The following PABIR3 variants were observed in gnomAD, a reference collection of about 807,000 sequenced individuals.
PABIR3 encodes PABIR family member 3.
Under a neutral mutation model 23.1 loss-of-function variants are expected in PABIR3, and 20 were observed. The observed-to-expected ratio is 0.86, with a 90% CI of 0.61 to 1.26. The LOEUF (loss-of-function observed/expected upper bound fraction) is 1.26, where lower values mean the gene tolerates loss of function less well. PABIR3 is among the 50% of genes most tolerant of loss of function. The pLI is 0.00. For synonymous variants in PABIR3, 69 were observed against 68.5 expected (o/e 1.01, Z -0.04); for missense variants, 189 against 195.4 (o/e 0.97, Z 0.20).
chrX:134,801,560 A>C (rs1010473266), intron 1 of PABIR3, among the ~76,000 whole-genome samples: 1 of 112,357 alleles, frequency 8.9e-6, no homozygotes, highest in Non-Finnish European at 1.9e-5. Flanking sequence ...CTTGTGGCAG[A>C]GGGGGCAAGC....
chrX:134,848,227 C>T (rs1325345826), intron 8 of PABIR3, among the ~76,000 whole-genome samples: 2 of 110,077 alleles, frequency 1.8e-5, no homozygotes, highest in Non-Finnish European at 3.8e-5. Flanking sequence ...CCCGTCTCTA[C>T]TAAAAATACA....
intron 9 of PABIR3, among the ~76,000 whole-genome samples, chrX:134,849,894 A>G (rs185231877): frequency 2.8e-4 from 1 of 3,544 alleles, no homozygotes; most frequent in African/African-American, 1.7e-3. Context: ...TTTTCTTGAG[A>G]CAGAGTCTTG....
In PABIR3 at chrX:134,849,251, G is replaced by A. The variant is rs779488494; in HGVS notation, c.589+23G>A. On this transcript the variant is annotated intron_variant, in intron 9 of 10. Transcript: ENST00000645433. ...AAGGTACTTTTATCTAACAGTAGAA[G>A]TAAATATAACTTTAAGTTATTTTAT... 4.7e-5 allele frequency: 33 copies of A among 696,819 alleles called. 1 individual carries two copies. The South Asian group carries it at 1.8e-3, about 37-fold the overall frequency. 57.4% of individuals were successfully genotyped at this position (696,819 alleles called of 1,213,427 possible).
intron 1 of PABIR3, chrX:134,797,094 G>T (rs1042514236): frequency 3.5e-5 from 4 of 113,872 alleles, no homozygotes; most frequent in Admixed American, 2.7e-4. Flanking sequence ...GGGGGAACCC[G>T]TTGGGGCCAA....
intron 10 of PABIR3, 86 bp from the exon 11 acceptor site, chrX:134,854,005 A>G (rs2082722060): frequency 2.9e-6 from 3 of 1,019,842 alleles, no homozygotes; most frequent in South Asian, 2.5e-5. Context: ...TTAGTCATGT[A>G]TTTTGCATTC....
At chrX:134,822,455 C>T (rs1189922827) in intron 3 of PABIR3, 2 of 749,068 alleles carry the variant, frequency 2.7e-6, no homozygotes, top group African/African-American at 4.6e-5. Context: ...GCTTATGATT[C>T]TGTAGCTCAA....
intron 3 of PABIR3, 100 bp from the exon 4 acceptor site, chrX:134,829,126 A>G: frequency 1.4e-6 from 1 of 692,096 alleles, no homozygotes; most frequent in East Asian, 3.3e-5. Context: ...TGCATAAGAC[A>G]CTAAATAAAT....
At chrX:134,814,967 G>A (rs1476764846) in intron 3 of PABIR3, 118 bp downstream of exon 3, 1 of 531,399 alleles carries the variant, frequency 1.9e-6, no homozygotes, top group East Asian at 3.7e-5. Flanking sequence ...ATGGCCAGCG[G>A]GAGTCTCACC....
intron 4 of PABIR3, among the ~76,000 whole-genome samples, chrX:134,834,470 G>A (rs1224089809): frequency 6.3e-5 from 7 of 111,650 alleles, no homozygotes; most frequent in South Asian, 3.7e-4. Context: ...GCCTGTTCAC[G>A]CTGATGATAA....
At chrX:134,798,073 G>A (rs2079956909) in intron 1 of PABIR3, among the ~76,000 whole-genome samples, 1 of 111,601 alleles carries the variant, frequency 9.0e-6, no homozygotes, top group African/African-American at 3.3e-5. Context: ...CACCCGCCTC[G>A]GCCTCCCAAA....
At chrX:134,847,771 C>A (rs2082482822) in intron 7 of PABIR3, 112 bp from the exon 8 acceptor site, 2 of 573,994 alleles carry the variant, frequency 3.5e-6, no homozygotes, top group South Asian at 5.5e-5. Context: ...TCCTAATGAT[C>A]TTTTGTACCC....
chrX:134,802,943 G>A (rs767843169), upstream of PABIR3, among the ~76,000 whole-genome samples: 11 of 112,464 alleles, frequency 9.8e-5, no homozygotes, highest in Non-Finnish European at 1.9e-4. Flanking sequence ...GAGCAGCCCC[G>A]GCCAGGGACT....
chrX:134,828,512 T>C (rs1359420869), intron 3 of PABIR3, among the ~76,000 whole-genome samples: 1 of 112,275 alleles, frequency 8.9e-6, no homozygotes, highest in Non-Finnish European at 1.9e-5. Context: ...AGTTTACAGA[T>C]GAATTCTGAA....
In PABIR3 at chrX:134,853,803, A is replaced by G. The variant is rs185465819; in HGVS notation, c.687-288A>G. Among the ~76,000 whole-genome samples, 31 of 110,290 alleles carry G rather than the reference A, an allele frequency of 2.8e-4. No homozygotes were observed. The East Asian group carries it at 8.6e-3, about 31-fold the overall frequency. Reference sequence around the variant, plus strand: ...CCTGGCTAATTTTTGTATTTTTAGTATAGATGGGGTTTCACCTTATTGGTC... The same window carrying G: ...CCTGGCTAATTTTTGTATTTTTAGTGTAGATGGGGTTTCACCTTATTGGTC... On this transcript the variant is annotated intron_variant, in intron 10 of 10. Transcript: ENST00000645433.
At chrX:134,827,113 A>G (rs1190960522) in intron 3 of PABIR3, among the ~76,000 whole-genome samples, 1 of 110,939 alleles carries the variant, frequency 9.0e-6, no homozygotes, top group Non-Finnish European at 1.9e-5. Context: ...GGCACCCGCC[A>G]CCATGCCTGG....
chrX:134,841,829 CA>C (rs1189372830), intron 4 of PABIR3, among the ~76,000 whole-genome samples: 5 of 103,774 alleles, frequency 4.8e-5, no homozygotes, highest in African/African-American at 7.0e-5. Flanking sequence ...ATTCTGTCAC[CA>C]AAAAAAAATA....
intron 4 of PABIR3, among the ~76,000 whole-genome samples, chrX:134,836,717 C>T (rs1472894123): frequency 8.9e-6 from 1 of 111,802 alleles, no homozygotes; most frequent in African/African-American, 3.2e-5. Flanking sequence ...TAAATAAGGT[C>T]ACATCCTGAG....
At chrX:134,863,737 T>C in the PABIR3 span, among the ~76,000 whole-genome samples, 23 of 111,789 alleles carry the variant, frequency 2.1e-4, no homozygotes, top group South Asian at 1.1e-3. Context: ...CTAAACCCAG[T>C]GTACACCCTG....
chrX:134,832,269 C>G (rs1048482860), intron 4 of PABIR3, among the ~76,000 whole-genome samples: 1 of 107,968 alleles, frequency 9.3e-6, no homozygotes. Context: ...AGAGAGACTC[C>G]GTCTCAAAAA....
Sources: allele counts gnomAD v4.1 joint callset (sites outside exome capture counted in the v4.1 genomes callset), GRCh38; gene constraint gnomAD v4.1.1; transcripts MANE v1.5; gene names NCBI Gene and HGNC (gene_info 2026-07-23, HGNC 2026-07-21).